Variants in PRKAG2 observed in about 807,000 individuals in gnomAD.
PRKAG2 encodes protein kinase AMP-activated non-catalytic subunit gamma 2.
Under a neutral mutation model 69.6 loss-of-function variants are expected in PRKAG2, and 26 were observed. The ratio of observed to expected loss-of-function variants is 0.37; its 90% confidence interval spans 0.27 to 0.52. PRKAG2 has a LOEUF of 0.52. Ranked by LOEUF, PRKAG2 falls within the 20% of genes least tolerant of loss-of-function variation. PRKAG2 has a pLI of 0.90. For missense variants in PRKAG2, 557 were observed against 740.0 expected (o/e 0.75, Z 2.87); for synonymous variants, 293 against 285.0 (o/e 1.03, Z -0.28).
intron 5 of PRKAG2, among the ~76,000 whole-genome samples, chr7:151,617,699 G>C (rs1158908261): frequency 6.6e-6 from 1 of 151,808 alleles, no homozygotes; most frequent in Non-Finnish European, 1.5e-5. Flanking sequence ...TTCAAAACTT[G>C]TCTTAAAGAC....
chr7:151,648,681 C>A (rs1263079832), intron 4 of PRKAG2, among the ~76,000 whole-genome samples: 1 of 152,098 alleles, frequency 6.6e-6, no homozygotes, highest in Non-Finnish European at 1.5e-5. Flanking sequence ...GTCATGAAAT[C>A]AATTATGAGT....
intron 1 of PRKAG2, among the ~76,000 whole-genome samples, chr7:151,840,968 AT>A (rs2079262700): frequency 6.6e-6 from 1 of 152,158 alleles, no homozygotes; most frequent in Non-Finnish European, 1.5e-5. Context: ...ACCCCATCTG[AT>A]TGACTGATTG....
intron 4 of PRKAG2, among the ~76,000 whole-genome samples, chr7:151,659,358 G>A (rs1409872163): frequency 1.3e-5 from 2 of 152,154 alleles, no homozygotes; most frequent in Non-Finnish European, 2.9e-5. Flanking sequence ...GGGAGTCCAT[G>A]GCATGTCCAC....
chr7:151,870,318 G>GA lies in PRKAG2; in HGVS notation c.114+6188dup, dbSNP rs549062204. Reference sequence around the variant, plus strand: ...GTACAAGAATCACCGGAGAACTTAAGAAAAATGCAAACTCATGGGTCCCAC... The same window carrying GA: ...GTACAAGAATCACCGGAGAACTTAAGAAAAAATGCAAACTCATGGGTCCCAC... On this transcript the variant is annotated intron_variant, in intron 1 of 15. Transcript: ENST00000287878. 1.4e-4 allele frequency among the ~76,000 whole-genome samples: 22 copies of GA among 152,246 alleles called. No homozygotes were observed. The East Asian group carries it at 4.2e-3, about 29-fold the overall frequency.
chr7:151,605,744 C>A (rs968380884), intron 5 of PRKAG2, among the ~76,000 whole-genome samples: 9 of 152,078 alleles, frequency 5.9e-5, no homozygotes, highest in Non-Finnish European at 1.3e-4. Context: ...TCGAGACCAT[C>A]CTAGCCAACA....
At chr7:151,718,628 A>AG (rs2151632062) in intron 3 of PRKAG2, among the ~76,000 whole-genome samples, 1 of 145,686 alleles carries the variant, frequency 6.9e-6, no homozygotes, top group African/African-American at 2.7e-5. Flanking sequence ...AAAAAAAAAA[A>AG]ACCCAAAAAC....
chr7:151,723,055 T>C (rs997533207), intron 3 of PRKAG2, among the ~76,000 whole-genome samples: 2 of 152,156 alleles, frequency 1.3e-5, no homozygotes, highest in Non-Finnish European at 1.5e-5. Context: ...AGAAATTCTA[T>C]GCTAGTCACC....
chr7:151,753,754 G>A (rs951959608), intron 3 of PRKAG2, among the ~76,000 whole-genome samples: 5 of 152,118 alleles, frequency 3.3e-5, no homozygotes, highest in Non-Finnish European at 7.4e-5. Context: ...AAGAAATACA[G>A]GCTGAGCAGT....
In PRKAG2 at chr7:151,731,748, G is replaced by T. The variant is rs1156897772; in HGVS notation, c.466+49404C>A. 2.0e-5 allele frequency among the ~76,000 whole-genome samples: 3 copies of T among 152,308 alleles called. No homozygotes were observed. In the East Asian group the frequency reaches 5.8e-4, roughly 29 times the overall value. On this transcript the variant is annotated intron_variant, in intron 3 of 15. Coordinates refer to ENST00000287878, the MANE Select transcript of PRKAG2 (RefSeq NM_016203.4). ...GGACCTGTGCCAACAGCCTAGGTGG[G>T]CTTCCTGTGGAGAGGAGGGAGGAGA...
chr7:151,671,156 A>C (rs1831969101), intron 4 of PRKAG2, among the ~76,000 whole-genome samples: 1 of 136,984 alleles, frequency 7.3e-6, no homozygotes, highest in Admixed American at 7.8e-5. Context: ...CCTGGGTGAC[A>C]GAGCTAGACT....
chr7:151,697,221 G>A (rs1032756408), intron 3 of PRKAG2, among the ~76,000 whole-genome samples: 52 of 152,212 alleles, frequency 3.4e-4, no homozygotes, highest in African/African-American at 1.2e-3. Context: ...TGCACACCCT[G>A]GGGTGGTCAA....
chr7:151,865,646 T>C (rs999037061), intron 1 of PRKAG2, among the ~76,000 whole-genome samples: 1 of 152,174 alleles, frequency 6.6e-6, no homozygotes, highest in Non-Finnish European at 1.5e-5. Context: ...ATTCCGAGTG[T>C]AGTGTTCATT....
chr7:151,675,671 C>T (rs763891608), intron 3 of PRKAG2, 34 bp from the exon 4 acceptor site: 57 of 1,574,882 alleles, frequency 3.6e-5, no homozygotes, highest in East Asian at 4.5e-5. Flanking sequence ...GTCAGAGGTC[C>T]GGCTTCCAGG....
At position 151,701,583 on chromosome 7, in the gene PRKAG2, C is replaced by T. The variant is rs191993889; in HGVS notation, c.467-25946G>A. Among the ~76,000 whole-genome samples, 25 of 152,232 alleles carry T rather than the reference C, an allele frequency of 1.6e-4. No individual in the cohort carries two copies. In the South Asian group the frequency reaches 2.1e-3, roughly 13 times the overall value. On this transcript the variant is annotated intron_variant, in intron 3 of 15. Transcript: ENST00000287878. ...TGCCGGCCGGGCGTGGTGGCTCACACCTGTAATCCCAGCACTTTGGGAGGC... is the reference window on the plus strand; with the variant it reads ...TGCCGGCCGGGCGTGGTGGCTCACATCTGTAATCCCAGCACTTTGGGAGGC...
At chr7:151,825,921 C>T (rs1482162792) in intron 1 of PRKAG2, among the ~76,000 whole-genome samples, 1 of 152,190 alleles carries the variant, frequency 6.6e-6, no homozygotes, top group Non-Finnish European at 1.5e-5. Flanking sequence ...AAGCAAGCCG[C>T]CAGTAGGTCC....
At chr7:151,856,948 G>A (rs1049432086) in intron 1 of PRKAG2, among the ~76,000 whole-genome samples, 2 of 152,098 alleles carry the variant, frequency 1.3e-5, no homozygotes, top group African/African-American at 2.4e-5. Flanking sequence ...AACAGAAAAC[G>A]GTGACAAAAG....
chr7:151,763,015 C>T (rs923596170), intron 3 of PRKAG2, among the ~76,000 whole-genome samples: 3 of 152,214 alleles, frequency 2.0e-5, no homozygotes, highest in Admixed American at 6.5e-5. Context: ...GCTCCCGAGT[C>T]GTGACAGCTC....
chr7:151,809,209 G>A (rs1408519524), intron 1 of PRKAG2: 1 of 456,610 alleles, frequency 2.2e-6, no homozygotes, highest in East Asian at 7.0e-5. Context: ...AGAGGGGTGA[G>A]TGGGCTTCTG....
chr7:151,688,584 C>T (rs1404771492), intron 3 of PRKAG2, among the ~76,000 whole-genome samples: 1 of 152,224 alleles, frequency 6.6e-6, no homozygotes, highest in African/African-American at 2.4e-5. Flanking sequence ...GGCCAGGGAA[C>T]TCCGCGGCGG....
Sources: gnomAD v4.1 joint callset for allele counts (sites outside exome capture counted in the v4.1 genomes callset) on GRCh38, gnomAD v4.1.1 for gene constraint, MANE v1.5 for transcripts, NCBI Gene and HGNC (gene_info 2026-07-23, HGNC 2026-07-21) for gene names.